The following NTN1 variants were observed in gnomAD, a reference collection of about 807,000 sequenced individuals.
NTN1 encodes netrin 1.
A neutral mutation model predicts 54.2 loss-of-function variants in NTN1; 11 were observed. The observed-to-expected ratio is 0.20, with a 90% CI of 0.13 to 0.34. The LOEUF (loss-of-function observed/expected upper bound fraction) is 0.34, where lower values mean the gene tolerates loss of function less well. Ranked by LOEUF, NTN1 falls within the 10% of genes least tolerant of loss-of-function variation. The pLI is 1.00. For missense variants in NTN1, 740 were observed against 893.1 expected (o/e 0.83, Z 2.18); for synonymous variants, 371 against 382.0 (o/e 0.97, Z 0.33).
chr17:9,149,953 G>A (rs2092322700), intron 2 of NTN1, among the ~76,000 whole-genome samples: 1 of 152,102 alleles, frequency 6.6e-6, no homozygotes, highest in African/African-American at 2.4e-5. Context: ...TGCAATCCCA[G>A]CACTTTGGGA....
In NTN1 at chr17:9,221,427, CG is replaced by C; in HGVS notation, c.1486+190del. 6.6e-6 allele frequency among the ~76,000 whole-genome samples: 1 copy of C among 152,296 alleles called. No individual in the cohort carries two copies. The highest frequency in any genetic ancestry group is 6.5e-5 in the Admixed American group (1 of 15,304). On this transcript the variant is annotated intron_variant, in intron 6 of 6. Coordinates refer to ENST00000173229, the MANE Select transcript of NTN1 (RefSeq NM_004822.3). The surrounding 1 kb of genome is among the most constrained non-coding windows in gnomAD (Gnocchi z 4.5). Reference sequence around the variant, plus strand: ...TCTTTTCCTCCTTGGCCCTCAGAGACGGGGGCATGAGGAGCCCAGTGGCCTG... The same window carrying C: ...TCTTTTCCTCCTTGGCCCTCAGAGACGGGGCATGAGGAGCCCAGTGGCCTG...
intron 2 of NTN1, among the ~76,000 whole-genome samples, chr17:9,056,088 C>T (rs2091978523): frequency 6.6e-6 from 1 of 151,950 alleles, no homozygotes; most frequent in South Asian, 2.1e-4. Flanking sequence ...CAGAGTTTCC[C>T]TCTTGTTGCC....
intron 2 of NTN1, among the ~76,000 whole-genome samples, chr17:9,149,294 A>G (rs1327629102): frequency 6.8e-6 from 1 of 146,230 alleles, no homozygotes; most frequent in Non-Finnish European, 1.5e-5. Flanking sequence ...CCACCCCCCG[A>G]GCTGCTAACC....
upstream of NTN1, among the ~76,000 whole-genome samples, chr17:9,017,941 A>C (rs1420799007): frequency 6.6e-6 from 1 of 152,188 alleles, no homozygotes. Context: ...GATAACTGGG[A>C]ACATTTTGCC....
intron 2 of NTN1, among the ~76,000 whole-genome samples, chr17:9,063,313 G>C (rs1465448086): frequency 1.3e-5 from 2 of 152,258 alleles, no homozygotes; most frequent in East Asian, 3.9e-4. Context: ...GGCCAGGCTG[G>C]TCTCGAACTC....
chr17:9,161,433 T>C (rs2092356743), intron 2 of NTN1, among the ~76,000 whole-genome samples: 1 of 152,150 alleles, frequency 6.6e-6, no homozygotes, highest in South Asian at 2.1e-4. Context: ...CTGAAGGCCA[T>C]GCTGAGTGCT....
the NTN1 span, among the ~76,000 whole-genome samples, chr17:9,004,642 C>A: frequency 6.6e-6 from 1 of 152,254 alleles, no homozygotes; most frequent in East Asian, 1.9e-4. Flanking sequence ...GCCGCGCCAG[C>A]GCCTTCAGCC....
At chr17:9,193,230 C>T (rs1296174004) in intron 5 of NTN1, among the ~76,000 whole-genome samples, 1 of 152,134 alleles carries the variant, frequency 6.6e-6, no homozygotes, top group Non-Finnish European at 1.5e-5. Flanking sequence ...AAATGTACCC[C>T]AAATTCCAAT....
At chr17:9,148,990 C>G (rs2092320637) in intron 2 of NTN1, among the ~76,000 whole-genome samples, 2 of 152,068 alleles carry the variant, frequency 1.3e-5, no homozygotes, top group Admixed American at 6.6e-5. Flanking sequence ...TGTTTTCCTG[C>G]CTGGTGTCTG....
chr17:9,225,698 G>T (rs1031120543), intron 6 of NTN1, among the ~76,000 whole-genome samples: 10 of 152,110 alleles, frequency 6.6e-5, no homozygotes, highest in African/African-American at 2.4e-4. Context: ...GAGAGAGCAG[G>T]GGAGGCCGCC....
At chr17:9,146,606 CCT>C (rs1567721805) in intron 2 of NTN1, among the ~76,000 whole-genome samples, 10 of 133,276 alleles carry the variant, frequency 7.5e-5, no homozygotes, top group African/African-American at 3.7e-4. Flanking sequence ...TTAGACACAC[CCT>C]GGGGGTCTTT....
rs956111266 is a variant in NTN1, at chr17:9,064,774, C to CT, written c.1018+41392dup. On this transcript the variant is annotated intron_variant, in intron 2 of 6. Transcript: ENST00000173229. Reference sequence around the variant, plus strand: ...TTTCCACACAACAGCAGTGTGATCTCTTTTTTTTTGAGACAGGGTCTTGCT... The same window carrying CT: ...TTTCCACACAACAGCAGTGTGATCTCTTTTTTTTTTGAGACAGGGTCTTGCT... 2.9e-4 allele frequency among the ~76,000 whole-genome samples: 44 copies of CT among 151,414 alleles called. 1 individual carries two copies. The highest frequency in any genetic ancestry group is 3.4e-3 in the Middle Eastern group (1 of 294).
At chr17:9,173,167 C>G (rs999623660) in intron 3 of NTN1, 3 of 152,484 alleles carry the variant, frequency 2.0e-5, no homozygotes, top group South Asian at 2.1e-4. Context: ...TGCCCTGCCC[C>G]CAAAAGCCCT....
At chr17:9,233,095 C>G (rs1458121078) in intron 6 of NTN1, among the ~76,000 whole-genome samples, 1 of 152,030 alleles carries the variant, frequency 6.6e-6, no homozygotes, top group East Asian at 1.9e-4. Context: ...GGCTGACCAC[C>G]TCAGCCTCCT....
intron 2 of NTN1, among the ~76,000 whole-genome samples, chr17:9,138,483 C>T (rs1034342060): frequency 2.6e-5 from 4 of 152,232 alleles, no homozygotes; most frequent in Non-Finnish European, 4.4e-5. Context: ...CGCTGCCTCT[C>T]CCTGACCTCA....
intron 5 of NTN1, among the ~76,000 whole-genome samples, chr17:9,198,182 A>T (rs1478744496): frequency 6.6e-6 from 1 of 152,238 alleles, no homozygotes; most frequent in African/African-American, 2.4e-5. Context: ...ACGAGAGTGC[A>T]GGGGAAGAAA....
intron 6 of NTN1, among the ~76,000 whole-genome samples, chr17:9,225,312 T>C (rs1239843671): frequency 6.6e-6 from 1 of 152,018 alleles, no homozygotes; most frequent in Non-Finnish European, 1.5e-5. Context: ...TCAGCCTGTG[T>C]GTTCAGGCAG....
At chr17:9,186,214 A>G (rs1193812733) in intron 5 of NTN1, among the ~76,000 whole-genome samples, 1 of 152,196 alleles carries the variant, frequency 6.6e-6, no homozygotes, top group Non-Finnish European at 1.5e-5. Context: ...GTTTCTGGCT[A>G]CCCAATGAGA....
intron 2 of NTN1, among the ~76,000 whole-genome samples, chr17:9,094,783 G>GT: frequency 6.6e-6 from 1 of 152,230 alleles, no homozygotes; most frequent in Non-Finnish European, 1.5e-5. Flanking sequence ...GAGGTCAGGA[G>GT]TTTGAGACTG....
Sources: allele counts gnomAD v4.1 joint callset (sites outside exome capture counted in the v4.1 genomes callset), GRCh38; gene constraint gnomAD v4.1.1; non-coding constraint Gnocchi (gnomAD v3.1); transcripts MANE v1.5; gene names NCBI Gene and HGNC (gene_info 2026-07-23, HGNC 2026-07-21).